Variants in CLIP4 observed in about 807,000 individuals in gnomAD.
CLIP4 encodes the protein CAP-Gly domain containing linker protein family member 4.
In CLIP4, 47 loss-of-function variants were observed where a neutral mutation model predicts 73.1. That is an observed-to-expected ratio of 0.64 (90% confidence interval 0.51 to 0.82). The LOEUF (loss-of-function observed/expected upper bound fraction) is 0.82, where lower values mean the gene tolerates loss of function less well. CLIP4 is among the 40% of genes least tolerant of loss of function. The pLI is 0.00. For synonymous variants in CLIP4, 306 were observed against 295.4 expected (o/e 1.04, Z -0.37); for missense variants, 874 against 852.9 (o/e 1.02, Z -0.31).
At chr2:29,107,358 GTTTTTTTTTTTTTTTTTTT>G (rs796180363) in intron 1 of CLIP4, among the ~76,000 whole-genome samples, 4 of 65,360 alleles carry the variant, frequency 6.1e-5, no homozygotes, top group East Asian at 6.0e-4. Context: ...GAACATGATA[GTTTTTTTTTTTTTTTTTTT>G]TTTTTTTTTT....
rs776806345 is a variant in CLIP4, at chr2:29,143,817, G to C, written c.757G>C (p.Asp253His). The change falls in exon 7 of 16, where the codon GAT becomes CAT. Residue 253 changes from aspartate to histidine, a missense_variant. Coordinates refer to ENST00000320081, the MANE Select transcript of CLIP4 (RefSeq NM_024692.6). ...TAAGGAAATCAAGCAGATGCTTCTAGATGCGGTGCCTCTGTCATGTAACAT... is the reference window on the plus strand; with the variant it reads ...TAAGGAAATCAAGCAGATGCTTCTACATGCGGTGCCTCTGTCATGTAACAT... ...TAKEIKQMLL[D>H]AVPLSCNISK... is the part of the protein sequence containing the mutation. 3.1e-6 allele frequency: 5 copies of C among 1,614,190 alleles called. No homozygotes were observed. The South Asian group carries it at 4.4e-5, about 14-fold the overall frequency.
chr2:29,163,712 C>G, intron 12 of CLIP4, 119 bp from the exon 13 acceptor site: 2 of 896,992 alleles, frequency 2.2e-6, no homozygotes, highest in Non-Finnish European at 3.3e-6. Flanking sequence ...GTATCATGAT[C>G]TTCCCTCATT....
intron 9 of CLIP4, among the ~76,000 whole-genome samples, chr2:29,154,612 G>A (rs1040569403): frequency 6.6e-6 from 1 of 152,202 alleles, no homozygotes; most frequent in African/African-American, 2.4e-5. Context: ...GGGAAGGGAT[G>A]CCCAGGAGCA....
At position 29,133,702 on chromosome 2, in the gene CLIP4, G is replaced by A. The variant is rs1193184477; in HGVS notation, c.415G>A (p.Gly139Arg). The change falls in exon 5 of 16, where the codon GGA (glycine) becomes AGA (arginine). Residue 139 changes from glycine to arginine, a missense_variant. By Grantham distance (125) the Gly-to-Arg change is moderately radical. Coordinates refer to ENST00000320081, the MANE Select transcript of CLIP4 (RefSeq NM_024692.6). ...ATTTGCAACTCAGCTTATTGACCTG[G>A]GAGCAGACATTAGTTTGCGGAGTCG... is the stretch of plus-strand genomic sequence containing the variant. ...VKFATQLIDL[G>R]ADISLRSRWT... 2 of 1,613,298 alleles carry A rather than the reference G, an allele frequency of 1.2e-6. No individual in the cohort carries two copies. Among genetic ancestry groups the A allele is most frequent in the Admixed American group, 1.7e-5 (1 of 59,786 alleles).
intron 8 of CLIP4, among the ~76,000 whole-genome samples, chr2:29,151,865 A>T (rs1000147276): frequency 6.6e-6 from 1 of 152,072 alleles, no homozygotes; most frequent in Non-Finnish European, 1.5e-5. Context: ...CATACTTTGT[A>T]TGCTGGTTAT....
chr2:29,151,759 T>C (rs948976229), intron 8 of CLIP4, among the ~76,000 whole-genome samples: 2 of 152,234 alleles, frequency 1.3e-5, no homozygotes, highest in Non-Finnish European at 2.9e-5. Context: ...TGAAAGAGTG[T>C]AATATACATA....
intron 7 of CLIP4, 46 bp downstream of exon 7, chr2:29,143,991 A>T: frequency 7.3e-6 from 11 of 1,499,876 alleles, no homozygotes; most frequent in Non-Finnish European, 9.2e-6. Context: ...TGTTATGTCC[A>T]TGACCTATGT....
chr2:29,175,866 A>G (rs768021585), intron 15 of CLIP4, among the ~76,000 whole-genome samples: 4 of 151,960 alleles, frequency 2.6e-5, no homozygotes, highest in Non-Finnish European at 5.9e-5. Context: ...GGTTCACGCC[A>G]TTCTTCTGTC....
In CLIP4 at chr2:29,143,804, G is replaced by A. The variant is rs1665955687; in HGVS notation, c.744G>A (p.Lys248=). 1 of 1,614,110 alleles carries A rather than the reference G, an allele frequency of 6.2e-7. No individual in the cohort carries two copies. The highest frequency in any genetic ancestry group is 8.5e-7 in the Non-Finnish European group (1 of 1,179,956). ...CCGCAGCCACTGCTAAGGAAATCAA[G>A]CAGATGCTTCTAGATGCGGTGCCTC... ...ADAAATAKEI[K]QMLLDAVPLS... Residue 248 remains lysine, a synonymous_variant, in exon 7 of 16, where the codon AAG becomes AAA. Transcript: ENST00000320081.
chr2:29,163,813 G>A lies in CLIP4; in HGVS notation c.1535-18G>A. ...GATAAAGTACAGATGCTTTTGAAAT[G>A]CAATATTCATGTTCTAGGATATTGG... On this transcript the variant is annotated intron_variant, in intron 12 of 15. Transcript: ENST00000320081. 1.2e-6 allele frequency: 2 copies of A among 1,605,954 alleles called. No individual in the cohort carries two copies. Among genetic ancestry groups the A allele is most frequent in the Non-Finnish European group, 1.7e-6 (2 of 1,177,012 alleles).
At chr2:29,164,058 A>G (rs1667454362) in intron 13 of CLIP4, 104 bp downstream of exon 13, 2 of 995,332 alleles carry the variant, frequency 2.0e-6, no homozygotes, top group Non-Finnish European at 2.9e-6. Flanking sequence ...ATTGTAGCTC[A>G]TGTCTTCTTT....
At chr2:29,117,722 C>T (rs191774643) in intron 1 of CLIP4, among the ~76,000 whole-genome samples, 7 of 152,286 alleles carry the variant, frequency 4.6e-5, no homozygotes, top group East Asian at 1.9e-4. Flanking sequence ...AGGAAGCCTT[C>T]GTTGACCCTC....
chr2:29,182,621 T>C lies in CLIP4; in HGVS notation c.*728T>C, dbSNP rs1668698221. The stretch of plus-strand genomic sequence containing the variant: ...CCAGTGCTCTTTCTGCTATACAAAA[T>C]GTCTAATCTCAGATTTTTCTTCTGC... On this transcript the variant is annotated 3_prime_UTR_variant, in exon 16 of 16. Coordinates refer to ENST00000320081, the MANE Select transcript of CLIP4 (RefSeq NM_024692.6). 2.0e-5 allele frequency: 3 copies of C among 152,614 alleles called. No homozygotes were observed. The highest frequency in any genetic ancestry group is 1.5e-5 in the Non-Finnish European group (1 of 68,030). The allele number at this position is 152,614 out of a possible 1,614,324, so 9.5% of individuals were successfully genotyped here.
At chr2:29,153,708 C>G (rs1164362885) in intron 9 of CLIP4, among the ~76,000 whole-genome samples, 2 of 152,196 alleles carry the variant, frequency 1.3e-5, no homozygotes, top group Non-Finnish European at 2.9e-5. Context: ...AGGTAGAAAG[C>G]TCTCTACCAG....
At chr2:29,099,281 A>G (rs2148428194) in intron 1 of CLIP4, among the ~76,000 whole-genome samples, 1 of 152,298 alleles carries the variant, frequency 6.6e-6, no homozygotes, top group South Asian at 2.1e-4. Flanking sequence ...AGCAAACCCA[A>G]GGTCACTTAG....
intron 1 of CLIP4, among the ~76,000 whole-genome samples, chr2:29,099,664 T>G (rs555813985): frequency 2.1e-4 from 32 of 152,196 alleles, no homozygotes; most frequent in Non-Finnish European, 4.1e-4. Context: ...TAAGATTGTG[T>G]TAGCTATTTG....
chr2:29,129,669 A>G (rs1664837961), intron 2 of CLIP4, among the ~76,000 whole-genome samples: 1 of 151,944 alleles, frequency 6.6e-6, no homozygotes, highest in South Asian at 2.1e-4. Context: ...ATGCTTTTAG[A>G]GAAGCTATTT....
chr2:29,120,526 C>T (rs944298652), intron 1 of CLIP4, among the ~76,000 whole-genome samples: 1 of 152,078 alleles, frequency 6.6e-6, no homozygotes, highest in Non-Finnish European at 1.5e-5. Flanking sequence ...ATAATCTAAA[C>T]TCATTTTTCA....
chr2:29,133,171 G>A (rs973749896), intron 4 of CLIP4, among the ~76,000 whole-genome samples: 8 of 152,180 alleles, frequency 5.3e-5, no homozygotes, highest in Admixed American at 5.2e-4. Context: ...CTGGGTGACA[G>A]AGCAAGACTG....
Sources: gnomAD v4.1 joint callset for allele counts (sites outside exome capture counted in the v4.1 genomes callset) on GRCh38, gnomAD v4.1.1 for gene constraint, MANE v1.5 for transcripts, NCBI Gene and HGNC (gene_info 2026-07-23, HGNC 2026-07-21) for gene names.